The following GPR19 variants were observed in gnomAD, a reference collection of about 807,000 sequenced individuals.
The protein encoded by GPR19 is probable G protein-coupled receptor 19.
A neutral mutation model predicts 28.5 loss-of-function variants in GPR19; 14 were observed. The ratio of observed to expected loss-of-function variants is 0.49; its 90% CI spans 0.32 to 0.77. The LOEUF is 0.77. Ranked by LOEUF, GPR19 falls within the 30% of genes least tolerant of loss-of-function variation. GPR19 has a pLI of 0.03. For missense variants in GPR19, 409 were observed against 504.1 expected, an observed-to-expected ratio of 0.81 and a Z score of 1.81; for synonymous variants, 173 against 184.1, an observed-to-expected ratio of 0.94 and a Z score of 0.49.
chr12:12,696,929 G>C (rs1466361965), upstream of GPR19, among the ~76,000 whole-genome samples: 1 of 152,112 alleles, frequency 6.6e-6, no homozygotes, highest in East Asian at 1.9e-4. Context: ...TGTCACGGAA[G>C]ATGTTTCTAA....
At chr12:12,709,046 TAA>T in the GPR19 span, among the ~76,000 whole-genome samples, 17,129 of 141,552 alleles carry the variant, frequency 0.12, 1,244 homozygotes, top group Admixed American at 0.24. Context: ...AGACTCCGTC[TAA>T]AAAAAAAAAA....
chr12:12,712,169 T>C, the GPR19 span, among the ~76,000 whole-genome samples: 4 of 152,238 alleles, frequency 2.6e-5, no homozygotes, highest in Admixed American at 1.3e-4. Flanking sequence ...GACTGCCTCC[T>C]TTCTCTGCCA....
chr12:12,697,171 A>AAAAAAAAAAAAAAAAAAAAAT (rs1946278727), upstream of GPR19, among the ~76,000 whole-genome samples: 1 of 149,674 alleles, frequency 6.7e-6, no homozygotes, highest in Non-Finnish European at 1.5e-5. Context: ...AAAAAAAAAA[A>AAAAAAAAAAAAAAAAAAAAAT]AAAAAAGCAG....
rs1161569658 is a variant in GPR19, at chr12:12,695,489, C to A, written c.-210G>T. The A allele has an allele frequency of 6.6e-6, 1 of 152,184 alleles. No individual in the cohort carries two copies. The highest frequency in any genetic ancestry group is 1.5e-5 in the Non-Finnish European group (1 of 68,054). 9.4% of individuals were successfully genotyped at this position (152,184 alleles called of 1,614,324 possible). ...AGATGTTGCGGGGCCAAATCCAATG[C>A]CGGTGCAGGTGTCCCATATATCCTG... On this transcript the variant is annotated 5_prime_UTR_variant, in exon 2 of 4. Transcript: ENST00000651487.
At chr12:12,696,652 G>A (rs1045724540), upstream of GPR19, among the ~76,000 whole-genome samples, 1 of 152,214 alleles carries the variant, frequency 6.6e-6, no homozygotes, top group Non-Finnish European at 1.5e-5. Context: ...AAAGCCCATT[G>A]GCGGCTACCC....
At chr12:12,675,125 C>A (rs76972832) in intron 3 of GPR19, among the ~76,000 whole-genome samples, 12 of 152,316 alleles carry the variant, frequency 7.9e-5, no homozygotes, top group South Asian at 4.1e-4. Context: ...ACGTTCTAGG[C>A]TCCTTGAGGC....
chr12:12,691,612 T>A (rs11838354), intron 2 of GPR19, among the ~76,000 whole-genome samples: 3,711 of 152,316 alleles, frequency 0.024, 58 homozygotes, highest in African/African-American at 0.041. Context: ...ACTTATACGA[T>A]TGCATATGTC....
Position 12,661,785 on chromosome 12 carries a change from C to T in GPR19, c.664G>A (p.Ala222Thr). ...YFLPSSWEGT[A>T]YTVIHFLVGF... Reference sequence around the variant, plus strand: ...ACCAAGAAGTGGATGACAGTGTAGGCAGTGCCTTCCCAAGAGGAGGGGAGG... The same window carrying T: ...ACCAAGAAGTGGATGACAGTGTAGGTAGTGCCTTCCCAAGAGGAGGGGAGG... The change falls in exon 4 of 4, where the codon GCC (alanine) becomes ACC (threonine). Residue 222 changes from alanine (A) to threonine (T), a missense_variant. Coordinates refer to ENST00000651487, the MANE Select transcript of GPR19 (RefSeq NM_006143.3). The surrounding 1 kb of genome is among the most constrained non-coding windows in gnomAD (Gnocchi z 4.2). 1 of 1,613,910 alleles carries T rather than the reference C, an allele frequency of 6.2e-7. No homozygotes were observed. The highest frequency in any genetic ancestry group is 8.5e-7 in the Non-Finnish European group (1 of 1,179,924).
chr12:12,692,030 C>G (rs1048104117), intron 2 of GPR19, among the ~76,000 whole-genome samples: 2 of 152,212 alleles, frequency 1.3e-5, no homozygotes, highest in African/African-American at 4.8e-5. Flanking sequence ...AGTGTGGCCA[C>G]TTCTCTTTTT....
the GPR19 span, among the ~76,000 whole-genome samples, chr12:12,703,693 T>C: frequency 2.0e-3 from 300 of 152,236 alleles, 5 homozygotes; most frequent in East Asian, 0.014. Context: ...CCAGGCCCCA[T>C]CATAAACCAT....
intron 3 of GPR19, among the ~76,000 whole-genome samples, chr12:12,668,332 G>A (rs12581272): frequency 0.08 from 12,132 of 151,908 alleles, 704 homozygotes; most frequent in Admixed American, 0.21. Context: ...TTCAATATTT[G>A]TAAAAGTCAT....
intron 2 of GPR19, among the ~76,000 whole-genome samples, chr12:12,693,643 C>T (rs1310887321): frequency 6.6e-6 from 1 of 152,220 alleles, no homozygotes; most frequent in Non-Finnish European, 1.5e-5. Flanking sequence ...AGTGGCCTTC[C>T]TCCTGAATAG....
chr12:12,688,515 C>G (rs1380943480), intron 2 of GPR19: 1 of 152,192 alleles, frequency 6.6e-6, no homozygotes, highest in Non-Finnish European at 1.5e-5. Flanking sequence ...TGAGTTACCT[C>G]CATGTTGAGA....
At chr12:12,692,966 A>G (rs1231965513) in intron 2 of GPR19, among the ~76,000 whole-genome samples, 1 of 152,170 alleles carries the variant, frequency 6.6e-6, no homozygotes, top group Non-Finnish European at 1.5e-5. Flanking sequence ...AAGACAGGTA[A>G]CTTCATGTGG....
rs1945692681 is a variant in GPR19, at chr12:12,662,395, T to A, written c.54A>T (p.Thr18=). ...DNSKPHLIIP[T]LLVPLQNRSC... ...TGCGGTTTTGGAGGGGCACCAGAAG[T>A]GTAGGAATAATCAAATGTGGCTTGC... Residue 18 remains threonine (T), a synonymous_variant, in exon 4 of 4, where the codon ACA becomes ACT. Transcript: ENST00000651487. The A allele has an allele frequency of 1.2e-6, 2 of 1,614,132 alleles. No individual in the cohort carries two copies. The highest frequency in any genetic ancestry group is 1.7e-6 in the Non-Finnish European group (2 of 1,179,998).
In GPR19 at chr12:12,661,132, T is replaced by G; in HGVS notation, c.*69A>C. 1 of 1,089,826 alleles carries G rather than the reference T, an allele frequency of 9.2e-7. No individual in the cohort carries two copies. The highest frequency in any genetic ancestry group is 1.3e-6 in the Non-Finnish European group (1 of 767,746). The allele number at this position is 1,089,826 out of a possible 1,614,324, so 67.5% of individuals were successfully genotyped here. On this transcript the variant is annotated 3_prime_UTR_variant, in exon 4 of 4. Coordinates refer to ENST00000651487, the MANE Select transcript of GPR19 (RefSeq NM_006143.3). This position sits in a 1 kb window ranked among gnomAD's most constrained non-coding sequence, Gnocchi z 4.2. Reference sequence around the variant, plus strand: ...GGAAAGTTGAGTGAAAACAAATATGTAAATAGCTTCTGTTTTTATAGTTAA... The same window carrying G: ...GGAAAGTTGAGTGAAAACAAATATGGAAATAGCTTCTGTTTTTATAGTTAA...
chr12:12,673,867 C>T (rs975549753), intron 3 of GPR19, among the ~76,000 whole-genome samples: 2 of 151,998 alleles, frequency 1.3e-5, no homozygotes, highest in Non-Finnish European at 2.9e-5. Context: ...TTTTAACCCC[C>T]TCACGCACAT....
chr12:12,710,698 A>G, the GPR19 span, among the ~76,000 whole-genome samples: 5 of 151,996 alleles, frequency 3.3e-5, no homozygotes, highest in African/African-American at 4.8e-5. Flanking sequence ...CACTGTGCCC[A>G]GCTGTTTTTT....
At chr12:12,714,750 G>T in the GPR19 span, among the ~76,000 whole-genome samples, 1 of 152,102 alleles carries the variant, frequency 6.6e-6, no homozygotes, top group African/African-American at 2.4e-5. Flanking sequence ...TGATCTCTAC[G>T]CTCCCTGTTC....
Sources: allele counts gnomAD v4.1 joint callset (sites outside exome capture counted in the v4.1 genomes callset), GRCh38; gene constraint gnomAD v4.1.1; non-coding constraint Gnocchi (gnomAD v3.1); transcripts MANE v1.5; gene names NCBI Gene and HGNC (gene_info 2026-07-23, HGNC 2026-07-21).